ADAMTS12: variants seen among roughly 807,000 people sequenced by gnomAD.
ADAMTS12 encodes the protein ADAM metallopeptidase with thrombospondin type 1 motif 12.
Under a neutral mutation model 167.8 loss-of-function variants are expected in ADAMTS12, and 118 were observed. The ratio of observed to expected loss-of-function variants is 0.70; its 90% CI spans 0.61 to 0.82. ADAMTS12 has a LOEUF of 0.82. Among genes scored for constraint, ADAMTS12 ranks in the 40% least tolerant of loss-of-function variants. The pLI, the probability that ADAMTS12 is intolerant of heterozygous loss-of-function variation, is 0.00. For synonymous variants in ADAMTS12, 704 were observed against 716.9 expected, an observed-to-expected ratio of 0.98 and a Z score of 0.29; for missense variants, 1,916 against 1,998.8, an observed-to-expected ratio of 0.96 and a Z score of 0.79.
At chr5:33,765,383 T>C (rs535140245) in intron 2 of ADAMTS12, among the ~76,000 whole-genome samples, 2 of 152,348 alleles carry the variant, frequency 1.3e-5, no homozygotes, top group African/African-American at 2.4e-5. Context: ...ATTTCTCAAA[T>C]TGTCCCCAAA....
At position 33,575,078 on chromosome 5, in the gene ADAMTS12, C is replaced by T. The variant is rs559383848; in HGVS notation, c.3972+976G>A. On this transcript the variant is annotated intron_variant, in intron 19 of 23. Transcript: ENST00000504830. Reference sequence around the variant, plus strand: ...CAAATACCTAGCCAAATTTCTGGAGCATGAAAATAGGGGCCAGCATGATGT... The same window carrying T: ...CAAATACCTAGCCAAATTTCTGGAGTATGAAAATAGGGGCCAGCATGATGT... 2.6e-5 allele frequency among the ~76,000 whole-genome samples: 4 copies of T among 152,216 alleles called. No homozygotes were observed. The South Asian group carries it at 6.2e-4, about 24-fold the overall frequency.
chr5:33,869,623 G>A (rs193072434), intron 2 of ADAMTS12, among the ~76,000 whole-genome samples: 1 of 152,162 alleles, frequency 6.6e-6, no homozygotes, highest in Non-Finnish European at 1.5e-5. Flanking sequence ...TTTCAAAGGG[G>A]AGGGAGTGTA....
chr5:33,818,121 G>A (rs1477204520), intron 2 of ADAMTS12, among the ~76,000 whole-genome samples: 1 of 151,870 alleles, frequency 6.6e-6, no homozygotes, highest in Admixed American at 6.6e-5. Flanking sequence ...GACAAGAGCA[G>A]GTAAAATCTA....
intron 1 of ADAMTS12, among the ~76,000 whole-genome samples, chr5:33,883,286 T>C (rs1750514757): frequency 6.6e-6 from 1 of 151,900 alleles, no homozygotes. Context: ...GGGCTACAAT[T>C]ATAAAAGAGT....
intron 16 of ADAMTS12, among the ~76,000 whole-genome samples, chr5:33,613,658 T>C (rs899970746): frequency 1.3e-5 from 2 of 152,186 alleles, no homozygotes; most frequent in African/African-American, 4.8e-5. Flanking sequence ...AAAATCAACC[T>C]TCATTGTGTT....
intron 3 of ADAMTS12, among the ~76,000 whole-genome samples, chr5:33,710,104 A>G (rs1414614832): frequency 6.6e-6 from 1 of 152,188 alleles, no homozygotes; most frequent in East Asian, 1.9e-4. Flanking sequence ...ACGGTGACCC[A>G]AAGATATGCT....
chr5:33,628,780 T>C (rs538602835), intron 13 of ADAMTS12, among the ~76,000 whole-genome samples: 2 of 152,344 alleles, frequency 1.3e-5, no homozygotes, highest in South Asian at 2.1e-4. Flanking sequence ...ATTTAGGCTA[T>C]TAAGCATATT....
intron 3 of ADAMTS12, among the ~76,000 whole-genome samples, chr5:33,740,729 C>T (rs2112370655): frequency 6.6e-6 from 1 of 152,276 alleles, no homozygotes; most frequent in South Asian, 2.1e-4. Context: ...GTGACCTGGT[C>T]ACTGCCCAAG....
intron 5 of ADAMTS12, among the ~76,000 whole-genome samples, chr5:33,675,087 G>C (rs993595001): frequency 7.9e-5 from 12 of 152,142 alleles, no homozygotes; most frequent in Non-Finnish European, 1.0e-4. Context: ...AGATGCTGGT[G>C]CCATGATCTT....
chr5:33,542,552 G>A (rs1744759161), intron 22 of ADAMTS12, among the ~76,000 whole-genome samples: 1 of 152,178 alleles, frequency 6.6e-6, no homozygotes, highest in South Asian at 2.1e-4. Context: ...CAAATCAACA[G>A]AAGATACATT....
chr5:33,804,295 A>G (rs1747134838), intron 2 of ADAMTS12, among the ~76,000 whole-genome samples: 1 of 152,124 alleles, frequency 6.6e-6, no homozygotes, highest in Non-Finnish European at 1.5e-5. Context: ...GTTGGAAGGG[A>G]TGTTAGCAAA....
At chr5:33,554,906 T>C (rs1745421914) in intron 20 of ADAMTS12, among the ~76,000 whole-genome samples, 2 of 152,162 alleles carry the variant, frequency 1.3e-5, no homozygotes, top group Admixed American at 1.3e-4. Context: ...ATAACTTAGA[T>C]GATAAAGTTA....
chr5:33,734,642 G>A lies in ADAMTS12; in HGVS notation c.634+16762C>T, dbSNP rs115477131. On this transcript the variant is annotated intron_variant, in intron 3 of 23. Transcript: ENST00000504830. ...ATCCTGATTGCCCCAAATGATTCACGAATAAAGTATGAGTACTTATGCTCC... is the reference window on the plus strand; with the variant it reads ...ATCCTGATTGCCCCAAATGATTCACAAATAAAGTATGAGTACTTATGCTCC... Among the ~76,000 whole-genome samples, 959 of 152,256 alleles carry A rather than the reference G, an allele frequency of 6.3e-3. 7 individuals are homozygous for A. Among genetic ancestry groups the A allele is most frequent in the Non-Finnish European group, 0.01 (695 of 68,028 alleles).
chr5:33,628,703 A>G (rs4866403), intron 13 of ADAMTS12, among the ~76,000 whole-genome samples: 52,375 of 151,790 alleles, frequency 0.35, 10,135 homozygotes, highest in African/African-American at 0.54. Context: ...TGAATAGGAG[A>G]GTAACAATAA....
chr5:33,566,124 C>T (rs906701068), intron 19 of ADAMTS12, among the ~76,000 whole-genome samples: 16 of 152,138 alleles, frequency 1.1e-4, no homozygotes, highest in Non-Finnish European at 2.2e-4. Context: ...TCAAATTTAA[C>T]AGTTGATTCA....
chr5:33,744,261 C>G (rs536338585), intron 3 of ADAMTS12, among the ~76,000 whole-genome samples: 8 of 152,222 alleles, frequency 5.3e-5, no homozygotes, highest in South Asian at 2.1e-4. Context: ...ATGCATGGGT[C>G]TCACAGAATA....
chr5:33,681,637 C>A (rs1298417228), intron 5 of ADAMTS12, among the ~76,000 whole-genome samples: 1 of 152,158 alleles, frequency 6.6e-6, no homozygotes, highest in Non-Finnish European at 1.5e-5. Flanking sequence ...AGACTGCCAT[C>A]ATTCTGTGAT....
chr5:33,727,733 T>A (rs2112346797), intron 3 of ADAMTS12, among the ~76,000 whole-genome samples: 1 of 152,334 alleles, frequency 6.6e-6, no homozygotes, highest in East Asian at 1.9e-4. Flanking sequence ...TTAGCGCTGG[T>A]TGATTTGTCC....
In ADAMTS12 at chr5:33,853,817, A is replaced by G. The variant is rs534659069; in HGVS notation, c.489+27302T>C. Among the ~76,000 whole-genome samples the G allele has an allele frequency of 1.2e-4, 18 of 152,338 alleles. No homozygotes were observed. The East Asian group carries it at 3.5e-3, about 29-fold the overall frequency. On this transcript the variant is annotated intron_variant, in intron 2 of 23. Coordinates refer to ENST00000504830, the MANE Select transcript of ADAMTS12 (RefSeq NM_030955.4). The stretch of plus-strand genomic sequence containing the variant: ...ATACAAATCACCTGGGGATCTTGTT[A>G]AAATTTAGGTCTAATTCAGCTGACC...
Sources: gnomAD v4.1 joint callset for allele counts (sites outside exome capture counted in the v4.1 genomes callset) on GRCh38, gnomAD v4.1.1 for gene constraint, MANE v1.5 for transcripts, NCBI Gene and HGNC (gene_info 2026-07-23, HGNC 2026-07-21) for gene names.